Variants in GLIPR2 observed in about 807,000 individuals in gnomAD.
GLIPR2 encodes the protein Golgi-associated plant pathogenesis-related protein 1.
Under a neutral mutation model 20.4 loss-of-function variants are expected in GLIPR2, and 21 were observed. The observed-to-expected ratio is 1.03, with a 90% CI of 0.73 to 1.48. The LOEUF (loss-of-function observed/expected upper bound fraction) is 1.48, where lower values mean the gene tolerates loss of function less well. GLIPR2 is among the 40% of genes most tolerant of loss of function. The pLI is 0.00. For missense variants in GLIPR2, 205 were observed against 200.1 expected, an observed-to-expected ratio of 1.02 and a Z score of -0.15; for synonymous variants, 91 against 80.5, an observed-to-expected ratio of 1.13 and a Z score of -0.70.
At chr9:36,140,113 T>A (rs1217602646) in intron 1 of GLIPR2, among the ~76,000 whole-genome samples, 3 of 152,156 alleles carry the variant, frequency 2.0e-5, no homozygotes, top group African/African-American at 7.2e-5. Context: ...GCTCTCTGAC[T>A]CCCCTACTGT....
chr9:36,162,468 G>C lies in GLIPR2; in HGVS notation c.411G>C (p.Gly137=), dbSNP rs1170218170. ...TGGTGGCCAGATACTTCCCAGCGGG[G>C]AATGTTGTCAATGAGGGCTTCTTCG... is the stretch of plus-strand genomic sequence containing the variant. ...SFVVARYFPA[G]NVVNEGFFEE... is the part of the protein sequence containing the mutation. The change falls in exon 5 of 5, where the codon GGG becomes GGC. Residue 137 remains glycine, a synonymous_variant. Transcript: ENST00000377960. 1 of 1,614,050 alleles carries C rather than the reference G, an allele frequency of 6.2e-7. No homozygotes were observed. Among genetic ancestry groups the C allele is most frequent in the African/African-American group, 1.3e-5 (1 of 74,934 alleles).
intron 3 of GLIPR2, among the ~76,000 whole-genome samples, chr9:36,150,597 AGT>A (rs1215441231): frequency 6.6e-6 from 1 of 152,208 alleles, no homozygotes; most frequent in Non-Finnish European, 1.5e-5. Context: ...ACAGCAAGTC[AGT>A]GTGTATGGGT....
intron 3 of GLIPR2, among the ~76,000 whole-genome samples, chr9:36,148,952 C>T (rs1825462352): frequency 6.6e-6 from 1 of 152,154 alleles, no homozygotes; most frequent in Non-Finnish European, 1.5e-5. Context: ...AGACAGACCG[C>T]TTTTGTACAG....
chr9:36,154,655 C>G (rs1825752106), intron 4 of GLIPR2, among the ~76,000 whole-genome samples: 1 of 152,044 alleles, frequency 6.6e-6, no homozygotes, highest in South Asian at 2.1e-4. Context: ...AGTTAGAAAC[C>G]AGTGTGTATT....
Position 36,136,846 on chromosome 9 carries a change from C to T in GLIPR2, c.13+55C>T. On this transcript the variant is annotated intron_variant, in intron 1 of 4. Coordinates refer to ENST00000377960, the MANE Select transcript of GLIPR2 (RefSeq NM_022343.4). This position sits in a 1 kb window ranked among gnomAD's most constrained non-coding sequence, Gnocchi z 4.3. Reference sequence around the variant, plus strand: ...TGGTTCGGAACCCCGCGCTCCCGGACCTCGCCGTCTCCCTCGTCCGCCGCA... The same window carrying T: ...TGGTTCGGAACCCCGCGCTCCCGGATCTCGCCGTCTCCCTCGTCCGCCGCA... The T allele has an allele frequency of 7.9e-7, 1 of 1,260,540 alleles. No individual in the cohort carries two copies. The highest frequency in any genetic ancestry group is 1.6e-5 in the African/African-American group (1 of 64,444). The allele number at this position is 1,260,540 out of a possible 1,614,324, so 78.1% of individuals were successfully genotyped here.
At position 36,148,637 on chromosome 9, in the gene GLIPR2, C is replaced by T. The variant is rs774652218; in HGVS notation, c.213C>T (p.Ser71=). 7.4e-6 allele frequency: 12 copies of T among 1,611,440 alleles called. No individual in the cohort carries two copies. The highest frequency in any genetic ancestry group is 1.0e-5 in the Non-Finnish European group (12 of 1,177,654). The part of the protein sequence containing the change: ...GQCGENLAWA[S]YDQTGKEVAD... ...GTGGGGAGAACCTTGCATGGGCATC[C>T]TATGATCAGACAGGTGGGTCGCATT... Residue 71 remains serine, a synonymous_variant, in exon 3 of 5, where the codon TCC becomes TCT. Coordinates refer to ENST00000377960, the MANE Select transcript of GLIPR2 (RefSeq NM_022343.4).
chr9:36,162,382 T>C lies in GLIPR2; in HGVS notation c.325T>C (p.Trp109Arg), dbSNP rs1237989462. Residue 109 changes from tryptophan (W) to arginine (R), a missense_variant, in exon 5 of 5, where the codon TGG becomes CGG. Coordinates refer to ENST00000377960, the MANE Select transcript of GLIPR2 (RefSeq NM_022343.4). ...TACAGGACACTTCACGGCCATGGTA[T>C]GGAAGAACACCAAGAAGATGGGCGT... Reference protein sequence around the residue: ...SGTGHFTAMVWKNTKKMGVGK... With the variant: ...SGTGHFTAMVRKNTKKMGVGK... 1.9e-6 allele frequency: 3 copies of C among 1,613,610 alleles called. No individual in the cohort carries two copies. In the African/African-American group the frequency reaches 4.0e-5, roughly 22 times the overall value.
At chr9:36,142,035 C>A (rs1053269322) in intron 1 of GLIPR2, among the ~76,000 whole-genome samples, 2 of 152,090 alleles carry the variant, frequency 1.3e-5, no homozygotes, top group African/African-American at 4.8e-5. Context: ...CCAAGTCTGG[C>A]CCCCTGGTAA....
Position 36,156,997 on chromosome 9 carries a change from TTTTA to T in GLIPR2, c.305-5361_305-5358del, listed in dbSNP as rs1825861742. On this transcript the variant is annotated intron_variant, in intron 4 of 4. Coordinates refer to ENST00000377960, the MANE Select transcript of GLIPR2 (RefSeq NM_022343.4). ...TATTAGAGCACGTGTCAGAATTCCT[TTTTA>T]TTTTAATTTATTTTATTTTATTATA... Among the ~76,000 whole-genome samples the T allele has an allele frequency of 2.6e-5, 4 of 152,142 alleles. No individual in the cohort carries two copies. The South Asian group carries it at 8.3e-4, about 32-fold the overall frequency.
At chr9:36,143,315 C>G (rs1178535946) in intron 1 of GLIPR2, among the ~76,000 whole-genome samples, 1 of 152,162 alleles carries the variant, frequency 6.6e-6, no homozygotes, top group Admixed American at 6.5e-5. Context: ...TCTTTCTGTG[C>G]TGTTGCCTCC....
In GLIPR2 at chr9:36,163,358, C is replaced by T. The variant is rs766333966; in HGVS notation, c.*836C>T. 1.2e-5 allele frequency: 2 copies of T among 163,596 alleles called. No homozygotes were observed. Among genetic ancestry groups the T allele is most frequent in the Non-Finnish European group, 2.7e-5 (2 of 75,200 alleles). The allele number at this position is 163,596 out of a possible 1,614,324, so 10.1% of individuals were successfully genotyped here. Reference sequence around the variant, plus strand: ...AGGCCTGGTCTGGGAGACAGCCCCTCACCCTGCCTGGGCTCTTGGCCAAGC... The same window carrying T: ...AGGCCTGGTCTGGGAGACAGCCCCTTACCCTGCCTGGGCTCTTGGCCAAGC... On this transcript the variant is annotated 3_prime_UTR_variant, in exon 5 of 5. Coordinates refer to ENST00000377960, the MANE Select transcript of GLIPR2 (RefSeq NM_022343.4).
intron 4 of GLIPR2, among the ~76,000 whole-genome samples, chr9:36,151,325 C>T (rs1373798381): frequency 6.6e-6 from 1 of 152,188 alleles, no homozygotes; most frequent in Non-Finnish European, 1.5e-5. Context: ...TGCTCTCCAG[C>T]AGCCTCAATA....
chr9:36,154,973 C>T (rs190840364), intron 4 of GLIPR2, among the ~76,000 whole-genome samples: 12 of 152,292 alleles, frequency 7.9e-5, no homozygotes, highest in African/African-American at 2.9e-4. Context: ...CCTTTGGAAA[C>T]GGCCTGTAGA....
intron 1 of GLIPR2, among the ~76,000 whole-genome samples, chr9:36,138,288 G>A (rs867054823): frequency 2.0e-5 from 3 of 151,774 alleles, no homozygotes; most frequent in Non-Finnish European, 1.5e-5. Context: ...GCAGTGGTGC[G>A]ATCTCGGCTC....
At chr9:36,152,055 C>T (rs889929786) in intron 4 of GLIPR2, among the ~76,000 whole-genome samples, 1 of 152,176 alleles carries the variant, frequency 6.6e-6, no homozygotes, top group Admixed American at 6.5e-5. Flanking sequence ...GTTTGCTGCC[C>T]GCCCTTCTGG....
chr9:36,147,872 A>T lies in GLIPR2; in HGVS notation c.100A>T (p.Asn34Tyr). The change falls in exon 2 of 5, where the codon AAC becomes TAC. Residue 34 changes from asparagine (N) to tyrosine (Y), a missense_variant. Coordinates refer to ENST00000377960, the MANE Select transcript of GLIPR2 (RefSeq NM_022343.4). Reference protein sequence around the residue: ...HGVPPLKLCKNLNREAQQYSE... With the variant: ...HGVPPLKLCKYLNREAQQYSE... ...CGTCCCCCCACTGAAGCTCTGCAAG[A>T]ACCTCAACCGGGAGGCTCAACAGTG... 1.3e-6 allele frequency: 2 copies of T among 1,573,354 alleles called. No individual in the cohort carries two copies. The highest frequency in any genetic ancestry group is 2.2e-5 in the South Asian group (2 of 90,276).
chr9:36,137,680 G>A (rs1433213009), intron 1 of GLIPR2, among the ~76,000 whole-genome samples: 1 of 152,206 alleles, frequency 6.6e-6, no homozygotes, highest in Admixed American at 6.5e-5. Context: ...TTCCCACCGG[G>A]TCCTCACCCC....
At chr9:36,149,043 C>G (rs1825468908) in intron 3 of GLIPR2, among the ~76,000 whole-genome samples, 2 of 152,304 alleles carry the variant, frequency 1.3e-5, no homozygotes, top group South Asian at 4.1e-4. Flanking sequence ...ATTTTACTTT[C>G]TTACCGTACT....
chr9:36,147,844 C>T lies in GLIPR2; in HGVS notation c.72C>T (p.His24=), dbSNP rs758857312. Residue 24 remains histidine, a synonymous_variant, in exon 2 of 5, where the codon CAC becomes CAT. Transcript: ENST00000377960. ...LKAHNEYRQK[H]GVPPLKLCKN... ...CCCACAATGAGTACCGGCAGAAGCA[C>T]GGCGTCCCCCCACTGAAGCTCTGCA... 5.6e-6 allele frequency: 9 copies of T among 1,600,390 alleles called. No individual in the cohort carries two copies. The highest frequency in any genetic ancestry group is 3.3e-5 in the Admixed American group (2 of 59,996).
Sources: allele counts gnomAD v4.1 joint callset (sites outside exome capture counted in the v4.1 genomes callset), GRCh38; gene constraint gnomAD v4.1.1; non-coding constraint Gnocchi (gnomAD v3.1); transcripts MANE v1.5; gene names NCBI Gene and HGNC (gene_info 2026-07-23, HGNC 2026-07-21).